The following BNC2 variants were observed in gnomAD, a reference collection of about 807,000 sequenced individuals.
BNC2 encodes the protein zinc finger protein basonuclin-2.
A neutral mutation model predicts 76.3 loss-of-function variants in BNC2; 20 were observed. That is an observed-to-expected ratio of 0.26 (90% CI 0.18 to 0.38). BNC2 has a LOEUF of 0.38. BNC2 is among the 10% of genes least tolerant of loss of function. BNC2 has a pLI of 1.00. For missense variants in BNC2, 1,382 were observed against 1,399.8 expected, an observed-to-expected ratio of 0.99 and a Z score of 0.20; for synonymous variants, 582 against 514.8, an observed-to-expected ratio of 1.13 and a Z score of -1.77.
intron 5 of BNC2, among the ~76,000 whole-genome samples, chr9:16,484,546 C>CT (rs1822121396): frequency 6.6e-6 from 1 of 152,162 alleles, no homozygotes; most frequent in Non-Finnish European, 1.5e-5. Flanking sequence ...CACACAGGAT[C>CT]TTATTTCGGG....
intron 3 of BNC2, among the ~76,000 whole-genome samples, chr9:16,604,072 T>A (rs1820314273): frequency 6.6e-6 from 1 of 152,210 alleles, no homozygotes; most frequent in Non-Finnish European, 1.5e-5. Context: ...TTATTTGATC[T>A]GGATGTTGGC....
At chr9:16,554,415 T>C (rs969090934) in intron 4 of BNC2, among the ~76,000 whole-genome samples, 3 of 152,222 alleles carry the variant, frequency 2.0e-5, no homozygotes, top group Non-Finnish European at 1.5e-5. Context: ...CTGGCTTCAT[T>C]CAACACATTT....
At chr9:16,721,707 A>G (rs1587351790) in intron 3 of BNC2, among the ~76,000 whole-genome samples, 1 of 152,198 alleles carries the variant, frequency 6.6e-6, no homozygotes, top group Non-Finnish European at 1.5e-5. Context: ...TCTTTGGACA[A>G]TAACAAGCAG....
Position 16,437,195 on chromosome 9 carries a change from T to C in BNC2, c.999A>G (p.Ala333=), listed in dbSNP as rs1234410878. ...LPFQYINPVS[A]PLLGLPPNGL... is the part of the protein sequence containing the mutation. The stretch of plus-strand genomic sequence containing the variant: ...CATTTGGAGGCAACCCTAGCAGTGG[T>C]GCTGAGACAGGGTTTATGTACTGGA... The change falls in exon 6 of 7, where the codon GCA becomes GCG. Residue 333 remains alanine, a synonymous_variant. Coordinates refer to ENST00000380672, the MANE Select transcript of BNC2 (RefSeq NM_017637.6). The C allele has an allele frequency of 6.2e-7, 1 of 1,614,170 alleles. No homozygotes were observed. The highest frequency in any genetic ancestry group is 1.1e-5 in the South Asian group (1 of 91,088).
intron 3 of BNC2, among the ~76,000 whole-genome samples, chr9:16,691,860 G>C (rs1221063764): frequency 7.0e-6 from 1 of 143,834 alleles, no homozygotes; most frequent in African/African-American, 2.6e-5. Context: ...ACCCAGGCTG[G>C]AGTGCAGTGG....
chr9:16,675,337 C>T (rs1030362237), intron 3 of BNC2, among the ~76,000 whole-genome samples: 13 of 152,060 alleles, frequency 8.5e-5, no homozygotes, highest in African/African-American at 3.1e-4. Flanking sequence ...TCACCACAAC[C>T]TCTGCCTCCG....
At position 16,736,103 on chromosome 9, in the gene BNC2, G is replaced by A. The variant is rs185101264; in HGVS notation, c.129+2257C>T. Reference sequence around the variant, plus strand: ...ACAAAACTTAGCCGGGCATGGTGGCGCATGCCTGTAATCCCAGCTACTCGG... The same window carrying A: ...ACAAAACTTAGCCGGGCATGGTGGCACATGCCTGTAATCCCAGCTACTCGG... On this transcript the variant is annotated intron_variant, in intron 2 of 6. Coordinates refer to ENST00000380672, the MANE Select transcript of BNC2 (RefSeq NM_017637.6). Among the ~76,000 whole-genome samples the A allele has an allele frequency of 1.7e-3, 265 of 151,470 alleles. 2 individuals carry two copies. The highest frequency in any genetic ancestry group is 5.9e-3 in the African/African-American group (242 of 41,312).
At chr9:16,756,010 A>G (rs947431285) in intron 1 of BNC2, among the ~76,000 whole-genome samples, 55 of 152,220 alleles carry the variant, frequency 3.6e-4, no homozygotes, top group African/African-American at 1.3e-3. Flanking sequence ...CCAACGCTAG[A>G]TATGTGAAAA....
intron 1 of BNC2, among the ~76,000 whole-genome samples, chr9:16,760,038 T>C (rs977106481): frequency 2.0e-5 from 3 of 152,200 alleles, no homozygotes; most frequent in Non-Finnish European, 2.9e-5. Context: ...CAGAAACTCT[T>C]ACGAGCTAAG....
At chr9:16,510,323 G>C in intron 5 of BNC2, among the ~76,000 whole-genome samples, 1 of 152,160 alleles carries the variant, frequency 6.6e-6, no homozygotes, top group African/African-American at 2.4e-5. Context: ...GATTTTCCTA[G>C]AGGTGCACAA....
At chr9:16,761,521 C>A (rs1051299327) in intron 1 of BNC2, among the ~76,000 whole-genome samples, 1 of 152,060 alleles carries the variant, frequency 6.6e-6, no homozygotes, top group South Asian at 2.1e-4. Flanking sequence ...TTCAAACAAA[C>A]AAATCAATAC....
In BNC2 at chr9:16,487,560, T is replaced by C. The variant is rs183401969; in HGVS notation, c.670-50036A>G. Among the ~76,000 whole-genome samples the C allele has an allele frequency of 4.0e-3, 606 of 152,290 alleles. 2 individuals carry two copies. Among genetic ancestry groups the C allele is most frequent in the Middle Eastern group, 0.017 (5 of 294 alleles). On this transcript the variant is annotated intron_variant, in intron 5 of 6. Transcript: ENST00000380672. ...AACTGTTTTAGCAGAACAATATTAATAGTTGAATATTATTTTGTCTGACTT... is the reference window on the plus strand; with the variant it reads ...AACTGTTTTAGCAGAACAATATTAACAGTTGAATATTATTTTGTCTGACTT...
rs568616809 is a variant in BNC2 at position 16,804,546 on chromosome 9, T to C, written c.4-66061A>G. 1.6e-4 allele frequency among the ~76,000 whole-genome samples: 24 copies of C among 152,334 alleles called. No homozygotes were observed. In the East Asian group the frequency reaches 4.6e-3, roughly 29 times the overall value. The stretch of plus-strand genomic sequence containing the variant: ...GACCGCTCATGAAAACAGAGGTTAT[T>C]TCCCTTTCAATTTTTCAAAATAAAA... On this transcript the variant is annotated intron_variant, in intron 1 of 6. Coordinates refer to ENST00000380672, the MANE Select transcript of BNC2 (RefSeq NM_017637.6).
At chr9:16,861,769 G>C (rs1299230506) in intron 1 of BNC2, among the ~76,000 whole-genome samples, 2 of 152,148 alleles carry the variant, frequency 1.3e-5, no homozygotes, top group East Asian at 1.9e-4. Flanking sequence ...GCGGGAGGAT[G>C]ACGAGGTCAG....
At chr9:16,495,899 CTTTT>C (rs1448093476) in intron 5 of BNC2, among the ~76,000 whole-genome samples, 2 of 147,804 alleles carry the variant, frequency 1.4e-5, no homozygotes, top group East Asian at 3.9e-4. Context: ...TTTCTTTTTT[CTTTT>C]TCTTTTTCTT....
At chr9:16,600,083 C>G (rs949435156) in intron 3 of BNC2, among the ~76,000 whole-genome samples, 13 of 152,106 alleles carry the variant, frequency 8.5e-5, no homozygotes, top group Non-Finnish European at 1.9e-4. Context: ...TTTAAGTAAT[C>G]CAAGAGGGGC....
At chr9:16,720,749 C>T (rs1306971017) in intron 3 of BNC2, among the ~76,000 whole-genome samples, 1 of 152,094 alleles carries the variant, frequency 6.6e-6, no homozygotes, top group Non-Finnish European at 1.5e-5. Context: ...CTAAACTAGC[C>T]AATTTGAGTA....
At chr9:16,645,061 A>G (rs534662381) in intron 3 of BNC2, among the ~76,000 whole-genome samples, 20 of 152,332 alleles carry the variant, frequency 1.3e-4, no homozygotes, top group African/African-American at 4.6e-4. Flanking sequence ...CTGCTGTCAT[A>G]ATAGTCTCTT....
At chr9:16,438,592 C>T (rs1587026683) in intron 5 of BNC2, among the ~76,000 whole-genome samples, 1 of 152,150 alleles carries the variant, frequency 6.6e-6, no homozygotes. Context: ...ATGACTCCAT[C>T]ACTTTCTAGG....
Sources: gnomAD v4.1 joint callset for allele counts (sites outside exome capture counted in the v4.1 genomes callset) on GRCh38, gnomAD v4.1.1 for gene constraint, MANE v1.5 for transcripts, NCBI Gene and HGNC (gene_info 2026-07-23, HGNC 2026-07-21) for gene names.